The following HS3ST3A1 variants were observed in gnomAD, a reference collection of about 807,000 sequenced individuals.
HS3ST3A1 encodes the protein heparan sulfate glucosamine 3-O-sulfotransferase 3A1.
Under a neutral mutation model 25.7 loss-of-function variants are expected in HS3ST3A1, and 19 were observed. The observed-to-expected ratio is 0.74, with a 90% CI of 0.52 to 1.08. The LOEUF (loss-of-function observed/expected upper bound fraction) is 1.08. HS3ST3A1 is among the 50% of genes least tolerant of loss of function. HS3ST3A1 has a pLI of 0.00. For missense variants in HS3ST3A1, 459 were observed against 594.3 expected (o/e 0.77, Z 2.37); for synonymous variants, 226 against 278.6 (o/e 0.81, Z 1.88).
intron 1 of HS3ST3A1, among the ~76,000 whole-genome samples, chr17:13,497,506 A>G (rs1387700561): frequency 6.6e-6 from 1 of 152,224 alleles, no homozygotes; most frequent in East Asian, 1.9e-4. Flanking sequence ...GTTGTTCAAC[A>G]TGTCCTTGAT....
intron 1 of HS3ST3A1, among the ~76,000 whole-genome samples, chr17:13,550,707 AAACAACAAC>A (rs150129442): frequency 3.3e-4 from 50 of 151,382 alleles, no homozygotes; most frequent in African/African-American, 1.2e-3. Flanking sequence ...GCAAACACCA[AAACAACAAC>A]AACAACAACA....
intron 1 of HS3ST3A1, among the ~76,000 whole-genome samples, chr17:13,598,773 G>C (rs1908647817): frequency 6.6e-6 from 1 of 151,800 alleles, no homozygotes; most frequent in African/African-American, 2.4e-5. Context: ...ATAAGATCCA[G>C]GTCTGCAGAT....
intron 1 of HS3ST3A1, among the ~76,000 whole-genome samples, chr17:13,548,152 C>T (rs1171426746): frequency 1.3e-5 from 2 of 152,070 alleles, no homozygotes; most frequent in African/African-American, 4.8e-5. Context: ...GTAGCTATAA[C>T]AAAATACCAC....
At chr17:13,504,068 C>T (rs1363009689) in intron 1 of HS3ST3A1, among the ~76,000 whole-genome samples, 1 of 152,048 alleles carries the variant, frequency 6.6e-6, no homozygotes, top group African/African-American at 2.4e-5. Context: ...TAATCCCAGC[C>T]CTTTGGGAGG....
At chr17:13,533,332 G>C (rs894536525) in intron 1 of HS3ST3A1, among the ~76,000 whole-genome samples, 1 of 151,848 alleles carries the variant, frequency 6.6e-6, no homozygotes, top group African/African-American at 2.4e-5. Flanking sequence ...TGACTTTGTA[G>C]GTTATCTCAC....
At chr17:13,551,059 T>A (rs1461293136) in intron 1 of HS3ST3A1, among the ~76,000 whole-genome samples, 1 of 63,702 alleles carries the variant, frequency 1.6e-5, no homozygotes, top group Non-Finnish European at 2.9e-5. Flanking sequence ...AGAGCGAGAC[T>A]CTGTCTCAAA....
intron 1 of HS3ST3A1, among the ~76,000 whole-genome samples, chr17:13,538,318 C>A (rs1906828586): frequency 6.6e-6 from 1 of 152,170 alleles, no homozygotes; most frequent in Non-Finnish European, 1.5e-5. Flanking sequence ...TGACTGACTC[C>A]AAGCCATCCC....
intron 1 of HS3ST3A1, among the ~76,000 whole-genome samples, chr17:13,576,233 G>C (rs1424061371): frequency 1.3e-5 from 2 of 152,228 alleles, no homozygotes; most frequent in Non-Finnish European, 2.9e-5. Context: ...TGCTGCAGCT[G>C]CTTAAGTGGG....
rs11459574 is a variant in HS3ST3A1, at chr17:13,544,774, G to GAA, written c.600-47958_600-47957dup. On this transcript the variant is annotated intron_variant, in intron 1 of 1. Coordinates refer to ENST00000284110, the MANE Select transcript of HS3ST3A1 (RefSeq NM_006042.3). ...GGATCTGCAAAGCTGAACCCTCCAG[G>GAA]AAAAAAAAAAAAGTGCAGCCACCAG... Among the ~76,000 whole-genome samples, 318 of 147,566 alleles carry GAA rather than the reference G, an allele frequency of 2.2e-3. 1 individual carries two copies. Among genetic ancestry groups the GAA allele is most frequent in the African/African-American group, 4.2e-3 (170 of 40,160 alleles).
At chr17:13,573,316 C>T (rs1347988748) in intron 1 of HS3ST3A1, among the ~76,000 whole-genome samples, 8 of 152,104 alleles carry the variant, frequency 5.3e-5, no homozygotes, top group Non-Finnish European at 7.4e-5. Flanking sequence ...CATGCTTTGT[C>T]TTCTCACTTC....
At chr17:13,506,412 G>A (rs568798562) in intron 1 of HS3ST3A1, among the ~76,000 whole-genome samples, 63 of 152,252 alleles carry the variant, frequency 4.1e-4, no homozygotes, top group Non-Finnish European at 7.8e-4. Context: ...TTTTTAACTT[G>A]TCATATTTAG....
chr17:13,547,732 T>C (rs1219145899), intron 1 of HS3ST3A1, among the ~76,000 whole-genome samples: 1 of 152,084 alleles, frequency 6.6e-6, no homozygotes, highest in African/African-American at 2.4e-5. Context: ...AGAAAGGGGT[T>C]ATGAGAACCC....
intron 1 of HS3ST3A1, among the ~76,000 whole-genome samples, chr17:13,566,873 G>A (rs955898558): frequency 2.0e-5 from 3 of 152,186 alleles, no homozygotes; most frequent in African/African-American, 7.2e-5. Flanking sequence ...TAACATAAAA[G>A]TGTAAGATGA....
rs750514538 is a variant in HS3ST3A1 at position 13,494,998 on chromosome 17, G to A, written c.*1199C>T. 3.3e-5 allele frequency among the ~76,000 whole-genome samples: 5 copies of A among 152,218 alleles called. No homozygotes were observed. Among genetic ancestry groups the A allele is most frequent in the Admixed American group, 6.5e-5 (1 of 15,286 alleles). On this transcript the variant is annotated 3_prime_UTR_variant, in exon 2 of 2. Transcript: ENST00000284110. Reference sequence around the variant, plus strand: ...CATGAAAAATAAAAACATTTTAAACGAACTGCTAATTAATTCTTTCAGAGT... The same window carrying A: ...CATGAAAAATAAAAACATTTTAAACAAACTGCTAATTAATTCTTTCAGAGT...
At chr17:13,503,077 C>T (rs2142295680) in intron 1 of HS3ST3A1, among the ~76,000 whole-genome samples, 1 of 148,548 alleles carries the variant, frequency 6.7e-6, no homozygotes, top group Non-Finnish European at 1.5e-5. Flanking sequence ...ACTCGAGAGG[C>T]TGAGGCAGAA....
At chr17:13,598,392 A>AT (rs925602908) in intron 1 of HS3ST3A1, among the ~76,000 whole-genome samples, 4 of 152,128 alleles carry the variant, frequency 2.6e-5, no homozygotes, top group Non-Finnish European at 4.4e-5. Context: ...CATAGGTTGG[A>AT]TTTTTTTAAA....
intron 1 of HS3ST3A1, among the ~76,000 whole-genome samples, chr17:13,546,469 T>C (rs909488129): frequency 6.6e-6 from 1 of 152,168 alleles, no homozygotes; most frequent in African/African-American, 2.4e-5. Context: ...GGTTTCACCA[T>C]GTTGGCCAAG....
intron 1 of HS3ST3A1, among the ~76,000 whole-genome samples, chr17:13,542,315 C>A (rs534484969): frequency 1.6e-4 from 20 of 124,456 alleles, no homozygotes; most frequent in East Asian, 2.3e-4. Flanking sequence ...GGCAACAGAG[C>A]GAGACTCTGT....
rs566516229 is a variant in HS3ST3A1 at position 13,494,934 on chromosome 17, G to A, written c.*1263C>T. ...TTATAAATGGTATAAATAGGAAGTGGGAGGGGGGAATAAAGTGACAAAATG... is the reference window on the plus strand; with the variant it reads ...TTATAAATGGTATAAATAGGAAGTGAGAGGGGGGAATAAAGTGACAAAATG... On this transcript the variant is annotated 3_prime_UTR_variant, in exon 2 of 2. Transcript: ENST00000284110. Among the ~76,000 whole-genome samples the A allele has an allele frequency of 1.5e-4, 23 of 152,226 alleles. No individual in the cohort carries two copies. In the South Asian group the frequency reaches 4.6e-3, roughly 30 times the overall value.
Sources: gnomAD v4.1 joint callset for allele counts (sites outside exome capture counted in the v4.1 genomes callset) on GRCh38, gnomAD v4.1.1 for gene constraint, MANE v1.5 for transcripts, NCBI Gene and HGNC (gene_info 2026-07-23, HGNC 2026-07-21) for gene names.